Variants in RSRC1 observed in about 807,000 individuals in gnomAD.
RSRC1 encodes the protein arginine and serine rich coiled-coil 1.
A neutral mutation model predicts 49.1 loss-of-function variants in RSRC1; 39 were observed. That is an observed-to-expected ratio of 0.79 (90% confidence interval 0.61 to 1.04). The LOEUF is 1.04. Among genes scored for constraint, RSRC1 ranks in the 50% least tolerant of loss-of-function variants. The probability of loss-of-function intolerance (pLI) is 0.00; values close to 1 mark genes in which losing one functional copy is unlikely to be tolerated. For synonymous variants in RSRC1, 143 were observed against 130.8 expected (o/e 1.09, Z -0.63); for missense variants, 388 against 402.4 (o/e 0.96, Z 0.31).
chr3:158,112,701 G>C (rs1714492787), intron 1 of RSRC1, among the ~76,000 whole-genome samples: 2 of 152,098 alleles, frequency 1.3e-5, no homozygotes, highest in Non-Finnish European at 2.9e-5. Context: ...AGGATGTGGA[G>C]GTTTATTACA....
chr3:158,187,425 A>T (rs2108260220), intron 3 of RSRC1, among the ~76,000 whole-genome samples: 1 of 152,106 alleles, frequency 6.6e-6, no homozygotes, highest in African/African-American at 2.4e-5. Context: ...TTTGATTTTT[A>T]TTTACTAGCT....
intron 4 of RSRC1, among the ~76,000 whole-genome samples, chr3:158,293,027 T>C (rs1727025351): frequency 1.3e-5 from 2 of 152,132 alleles, no homozygotes; most frequent in African/African-American, 2.4e-5. Flanking sequence ...ATACTTTACC[T>C]GTGTTGTTTT....
intron 6 of RSRC1, among the ~76,000 whole-genome samples, chr3:158,420,293 A>G (rs751317272): frequency 6.6e-6 from 1 of 151,966 alleles, no homozygotes; most frequent in Admixed American, 6.6e-5. Context: ...ATGAATAAGG[A>G]AACAAATTTG....
chr3:158,468,213 G>A (rs890834016), intron 7 of RSRC1, among the ~76,000 whole-genome samples: 13 of 152,250 alleles, frequency 8.5e-5, no homozygotes, highest in South Asian at 6.2e-4. Flanking sequence ...GATTACAGGC[G>A]TGAGCCACCG....
intron 6 of RSRC1, among the ~76,000 whole-genome samples, chr3:158,415,376 C>T (rs2108328364): frequency 6.6e-6 from 1 of 152,042 alleles, no homozygotes; most frequent in South Asian, 2.1e-4. Flanking sequence ...GCATACTTTT[C>T]CAGTCATTTG....
intron 3 of RSRC1, among the ~76,000 whole-genome samples, chr3:158,199,920 G>A (rs1380212674): frequency 1.3e-5 from 2 of 152,152 alleles, no homozygotes; most frequent in African/African-American, 4.8e-5. Flanking sequence ...TGATCATCAT[G>A]AAGTATCCAT....
At chr3:158,227,138 A>G (rs932636972) in intron 4 of RSRC1, among the ~76,000 whole-genome samples, 7 of 151,804 alleles carry the variant, frequency 4.6e-5, no homozygotes, top group Admixed American at 1.3e-4. Flanking sequence ...CTCCTCCTTT[A>G]ACCAATTTTC....
chr3:158,445,542 A>G (rs1736659267), intron 6 of RSRC1, among the ~76,000 whole-genome samples: 2 of 152,106 alleles, frequency 1.3e-5, no homozygotes, highest in Admixed American at 6.6e-5. Context: ...ATTAGGAGAT[A>G]CACCTAACAT....
chr3:158,256,074 C>T (rs192144473), intron 4 of RSRC1, among the ~76,000 whole-genome samples: 87 of 152,154 alleles, frequency 5.7e-4, no homozygotes, highest in African/African-American at 1.9e-3. Flanking sequence ...GTTTGATTGC[C>T]CTGGCCAGAA....
chr3:158,408,223 C>A (rs1734255195), intron 6 of RSRC1, among the ~76,000 whole-genome samples: 1 of 152,178 alleles, frequency 6.6e-6, no homozygotes. Flanking sequence ...ATTTTCTCAA[C>A]CTTCTAACTG....
At chr3:158,194,467 G>A (rs1383957366) in intron 3 of RSRC1, among the ~76,000 whole-genome samples, 1 of 149,912 alleles carries the variant, frequency 6.7e-6, no homozygotes, top group East Asian at 2.0e-4. Context: ...TGTGCTGGAC[G>A]AGGAGCTTCA....
At chr3:158,339,760 A>G (rs1269063811) in intron 5 of RSRC1, among the ~76,000 whole-genome samples, 1 of 152,238 alleles carries the variant, frequency 6.6e-6, no homozygotes, top group Non-Finnish European at 1.5e-5. Context: ...ATATAAGACA[A>G]TGGTTGCTTT....
At chr3:158,514,732 T>G (rs1740404816) in intron 7 of RSRC1, among the ~76,000 whole-genome samples, 1 of 152,030 alleles carries the variant, frequency 6.6e-6, no homozygotes, top group Non-Finnish European at 1.5e-5. Flanking sequence ...AAGTCTCCCA[T>G]TATTAATGTG....
At chr3:158,325,817 G>A (rs1240524633) in intron 5 of RSRC1, among the ~76,000 whole-genome samples, 1 of 152,064 alleles carries the variant, frequency 6.6e-6, no homozygotes, top group Non-Finnish European at 1.5e-5. Flanking sequence ...AATTACCTTG[G>A]GCAGTATGGC....
intron 4 of RSRC1, among the ~76,000 whole-genome samples, chr3:158,246,219 G>A (rs752542007): frequency 4.6e-5 from 7 of 150,920 alleles, no homozygotes; most frequent in Admixed American, 2.0e-4. Context: ...GACACAGGAA[G>A]GGGAACATCA....
At chr3:158,513,998 T>G (rs1346432590) in intron 7 of RSRC1, among the ~76,000 whole-genome samples, 3 of 152,140 alleles carry the variant, frequency 2.0e-5, no homozygotes, top group East Asian at 1.9e-4. Flanking sequence ...GTCTATTTGA[T>G]TCTTCTCTTT....
chr3:158,266,621 A>T (rs827094), intron 4 of RSRC1, among the ~76,000 whole-genome samples: 1 of 151,812 alleles, frequency 6.6e-6, no homozygotes, highest in Non-Finnish European at 1.5e-5. Flanking sequence ...TTTTATTTTT[A>T]GTTGTTCCTC....
At chr3:158,363,686 T>C (rs1000896547) in intron 6 of RSRC1, among the ~76,000 whole-genome samples, 1 of 152,224 alleles carries the variant, frequency 6.6e-6, no homozygotes, top group Non-Finnish European at 1.5e-5. Context: ...TATCTTAAAA[T>C]AAAATAATTT....
intron 1 of RSRC1, among the ~76,000 whole-genome samples, chr3:158,112,061 C>T (rs1330718667): frequency 1.3e-5 from 2 of 152,214 alleles, no homozygotes; most frequent in South Asian, 4.2e-4. Flanking sequence ...TTTGCAACCA[C>T]GAGGCTACAA....
Sources: allele counts gnomAD v4.1 joint callset (sites outside exome capture counted in the v4.1 genomes callset), GRCh38; gene constraint gnomAD v4.1.1; transcripts MANE v1.5; gene names NCBI Gene and HGNC (gene_info 2026-07-23, HGNC 2026-07-21).